CYP27B1: variants seen among roughly 807,000 people sequenced by gnomAD.
The protein encoded by CYP27B1 is cytochrome P450 family 27 subfamily B member 1.
Under a neutral mutation model 54.8 loss-of-function variants are expected in CYP27B1, and 46 were observed. The observed-to-expected ratio is 0.84, with a 90% CI of 0.66 to 1.07. The LOEUF is 1.07. Among genes scored for constraint, CYP27B1 ranks in the 50% least tolerant of loss-of-function variants. The pLI is 0.00. For missense variants in CYP27B1, 674 were observed against 692.2 expected (o/e 0.97, Z 0.30); for synonymous variants, 292 against 297.3 (o/e 0.98, Z 0.18).
chr12:57,765,789 A>G lies in CYP27B1; in HGVS notation c.386+218T>C. ...AATTCCTCCGGTTCCCCCAGTTCCC[A>G]GGATTCGGGCCTCAAAGGATAAGGA... is the stretch of plus-strand genomic sequence containing the variant. On this transcript the variant is annotated intron_variant, in intron 2 of 8. Transcript: ENST00000228606. The surrounding 1 kb of genome is among the most constrained non-coding windows in gnomAD (Gnocchi z 5.8). The G allele has an allele frequency of 1.0e-6, 1 of 958,120 alleles. No homozygotes were observed. The highest frequency in any genetic ancestry group is 1.5e-6 in the Non-Finnish European group (1 of 659,662). 59.4% of individuals were successfully genotyped at this position (958,120 alleles called of 1,614,324 possible).
In CYP27B1 at chr12:57,765,543, G is replaced by C; in HGVS notation, c.387-44C>G. 6.4e-7 allele frequency: 1 copy of C among 1,563,982 alleles called. No individual in the cohort carries two copies. Among genetic ancestry groups the C allele is most frequent in the Non-Finnish European group, 8.7e-7 (1 of 1,149,436 alleles). ...AGTGCGCATCGGGAAGGTGGGGACG[G>C]CTCGACGGGACTGGCTGCAGTGAAG... On this transcript the variant is annotated intron_variant, in intron 2 of 8. Transcript: ENST00000228606. This position sits in a 1 kb window ranked among gnomAD's most constrained non-coding sequence, Gnocchi z 5.8.
chr12:57,765,252 G>C lies in CYP27B1; in HGVS notation c.590-41C>G, dbSNP rs745388058. On this transcript the variant is annotated intron_variant, in intron 3 of 8. Transcript: ENST00000228606. This position sits in a 1 kb window ranked among gnomAD's most constrained non-coding sequence, Gnocchi z 5.8. ...CGCCGTCAGGGTTCCGGGAGGCTCT[G>C]GTAGGGCGCCCCCGACGCCTGCCCA... 6.2e-7 allele frequency: 1 copy of C among 1,611,600 alleles called. No homozygotes were observed. Among genetic ancestry groups the C allele is most frequent in the Non-Finnish European group, 8.5e-7 (1 of 1,179,146 alleles).
rs1005497618 is a variant in CYP27B1, at chr12:57,765,834, T to C, written c.386+173A>G. 2 of 1,299,878 alleles carry C rather than the reference T, an allele frequency of 1.5e-6. No individual in the cohort carries two copies. The highest frequency in any genetic ancestry group is 2.1e-6 in the Non-Finnish European group (2 of 975,224). The allele number at this position is 1,299,878 out of a possible 1,614,324, so 80.5% of individuals were successfully genotyped here. ...TAAGGAGGTAGGCGGGGAGTGAGGT[T>C]GGGGCTCAACCTGAGTGTGGGTGAA... On this transcript the variant is annotated intron_variant, in intron 2 of 8. Coordinates refer to ENST00000228606, the MANE Select transcript of CYP27B1 (RefSeq NM_000785.4). The surrounding 1 kb of genome is among the most constrained non-coding windows in gnomAD (Gnocchi z 5.8).
intron 1 of CYP27B1, 113 bp downstream of exon 1, chr12:57,766,734 G>T: frequency 8.6e-7 from 1 of 1,168,790 alleles, no homozygotes; most frequent in Non-Finnish European, 1.3e-6. Context: ...TTATTTCATG[G>T]GCATCCGTTC....
At chr12:57,766,265 G>GC in intron 1 of CYP27B1, 68 bp from the exon 2 acceptor site, 1 of 1,456,448 alleles carries the variant, frequency 6.9e-7, no homozygotes, top group South Asian at 1.4e-5. Flanking sequence ...CTGTGCCCAC[G>GC]CCAAGGGCGT....
chr12:57,764,085 A>G lies in CYP27B1; in HGVS notation c.1215+13T>C. On this transcript the variant is annotated intron_variant, in intron 7 of 8. Coordinates refer to ENST00000228606, the MANE Select transcript of CYP27B1 (RefSeq NM_000785.4). ...GAATGGCTCAGTAGAAAGGGTGCAT[A>G]GGCTTTACTCACATTTTTGGGGATA... is the stretch of plus-strand genomic sequence containing the variant. 3 of 1,601,244 alleles carry G rather than the reference A, an allele frequency of 1.9e-6. No individual in the cohort carries two copies. Among genetic ancestry groups the G allele is most frequent in the Non-Finnish European group, 2.6e-6 (3 of 1,168,322 alleles).
At chr12:57,763,407 TA>T in intron 8 of CYP27B1, 152 bp from the exon 9 acceptor site, 1 of 854,918 alleles carries the variant, frequency 1.2e-6, no homozygotes, top group East Asian at 2.6e-5. Flanking sequence ...TCTTGGTTAA[TA>T]AGGGTGAGGG....
rs749537609 is a variant in CYP27B1 at position 57,763,195 on chromosome 12, G to A, written c.1474C>T (p.Arg492Trp). Residue 492 changes from arginine (R) to tryptophan (W), a missense_variant, in exon 9 of 9, where the codon CGG becomes TGG. Transcript: ENST00000228606. The stretch of plus-strand genomic sequence containing the variant: ...CTCCTTTCAGGTACCAGGACAGTCC[G>A]GGTCTTGGGTCTAACTGGGGCCGCA... ...PGAAPVRPKT[R>W]TVLVPERSIN... The A allele has an allele frequency of 3.5e-5, 57 of 1,614,052 alleles. No individual in the cohort carries two copies. The highest frequency in any genetic ancestry group is 1.2e-4 in the African/African-American group (9 of 74,934).
Position 57,763,520 on chromosome 12 carries a change from A to G in CYP27B1, c.1413+91T>C, listed in dbSNP as rs8176347. On this transcript the variant is annotated intron_variant, in intron 8 of 8. Transcript: ENST00000228606. Reference sequence around the variant, plus strand: ...GATTCATTCTACCAGGTCTTATATGATTTCCTATGCTTGTCAGGGGAAAGA... The same window carrying G: ...GATTCATTCTACCAGGTCTTATATGGTTTCCTATGCTTGTCAGGGGAAAGA... 1.0e-3 allele frequency: 1,210 copies of G among 1,177,906 alleles called. 11 individuals are homozygous for G. In the African/African-American group the frequency reaches 0.016, roughly 16 times the overall value. 73.0% of individuals were successfully genotyped at this position (1,177,906 alleles called of 1,614,324 possible). A position where few individuals can be genotyped will look rare whatever the true frequency, so the allele number is the denominator to read the frequency against.
intron 8 of CYP27B1, 29 bp from the exon 9 acceptor site, chr12:57,763,284 A>G (rs1955333205): frequency 2.0e-6 from 3 of 1,499,180 alleles, no homozygotes; most frequent in Non-Finnish European, 2.8e-6. Flanking sequence ...GAGCATTACT[A>G]TGAAAGATAT....
chr12:57,762,588 T>G lies in CYP27B1; in HGVS notation c.*554A>C, dbSNP rs967963303. 5.7e-6 allele frequency: 1 copy of G among 176,714 alleles called. No homozygotes were observed. The highest frequency in any genetic ancestry group is 1.2e-5 in the Non-Finnish European group (1 of 81,228). 10.9% of individuals were successfully genotyped at this position (176,714 alleles called of 1,614,324 possible). A position where few individuals can be genotyped will look rare whatever the true frequency, so the allele number is the denominator to read the frequency against. Reference sequence around the variant, plus strand: ...GGTAGACAGAGCCTACTAAGTAAGCTGCTTATCCCTTCTGCCACATGGTTC... The same window carrying G: ...GGTAGACAGAGCCTACTAAGTAAGCGGCTTATCCCTTCTGCCACATGGTTC... On this transcript the variant is annotated 3_prime_UTR_variant, in exon 9 of 9. Coordinates refer to ENST00000228606, the MANE Select transcript of CYP27B1 (RefSeq NM_000785.4).
Position 57,764,899 on chromosome 12 carries a change from GC to G in CYP27B1, c.817del (p.Ala273GlnfsTer5). The G allele has an allele frequency of 1.2e-6, 2 of 1,614,160 alleles. No individual in the cohort carries two copies. The highest frequency in any genetic ancestry group is 1.7e-6 in the Non-Finnish European group (2 of 1,180,044). On this transcript the variant is annotated frameshift_variant, in exon 5 of 9. Transcript: ENST00000228606. LOFTEE classifies it high-confidence loss of function. Reference protein sequence around the residue: ...FAQRHVERREAEAAMRNGGQP... With the variant: ...FAQRHVERREXEAAMRNGGQP... The stretch of plus-strand genomic sequence containing the variant: ...TCCTCCGTTCCTCATGGCTGCCTCT[GC>G]CTCTCGCCGCTCCACGTGCCTCTGA...
At chr12:57,764,045 G>T in intron 7 of CYP27B1, 53 bp downstream of exon 7, 1 of 1,448,036 alleles carries the variant, frequency 6.9e-7, no homozygotes, top group Non-Finnish European at 9.7e-7. Context: ...CAGGGTTGGG[G>T]CCCAAGATAG....
At position 57,762,441 on chromosome 12, in the gene CYP27B1, G is replaced by A. The variant is rs572466704; in HGVS notation, c.*701C>T. 6.5e-6 allele frequency: 1 copy of A among 152,698 alleles called. No individual in the cohort carries two copies. Among genetic ancestry groups the A allele is most frequent in the Non-Finnish European group, 1.5e-5 (1 of 68,294 alleles). The allele number at this position is 152,698 out of a possible 1,614,324, so 9.5% of individuals were successfully genotyped here. A position where few individuals can be genotyped will look rare whatever the true frequency, so the allele number is the denominator to read the frequency against. The stretch of plus-strand genomic sequence containing the variant: ...GACAGGCCCAAAGATGTCTCTGCCT[G>A]AGAACTAAGTGATGGGGCAAACCCA... On this transcript the variant is annotated 3_prime_UTR_variant, in exon 9 of 9. Coordinates refer to ENST00000228606, the MANE Select transcript of CYP27B1 (RefSeq NM_000785.4).
intron 1 of CYP27B1, chr12:57,766,561 C>T: frequency 1.7e-6 from 1 of 579,728 alleles, no homozygotes; most frequent in Non-Finnish European, 3.1e-6. Context: ...GCGGAGGGTA[C>T]TGCCCACTCC....
intron 7 of CYP27B1, 97 bp downstream of exon 7, chr12:57,764,001 G>GTT: frequency 8.8e-7 from 1 of 1,138,368 alleles, no homozygotes; most frequent in Non-Finnish European, 1.3e-6. Flanking sequence ...GTCAAGGGGA[G>GTT]TGTTTGAAGG....
Position 57,765,423 on chromosome 12 carries a change from C to A in CYP27B1, c.463G>T (p.Ala155Ser), listed in dbSNP as rs754435549. ...CAGACTACGTTGTTCAGGGTTCCGGCGTAGCGGGCGGCCGCTTGAGGCCGG... is the reference window on the plus strand; with the variant it reads ...CAGACTACGTTGTTCAGGGTTCCGGAGTAGCGGGCGGCCGCTTGAGGCCGG... ...LLRPQAAARY[A>S]GTLNNVVCDL... The change falls in exon 3 of 9, where the codon GCC becomes TCC. Residue 155 changes from alanine (A) to serine (S), a missense_variant. Transcript: ENST00000228606. This position sits in a 1 kb window ranked among gnomAD's most constrained non-coding sequence, Gnocchi z 5.8. 9 of 1,612,794 alleles carry A rather than the reference C, an allele frequency of 5.6e-6. No individual in the cohort carries two copies. The highest frequency in any genetic ancestry group is 1.7e-4 in the Middle Eastern group (1 of 6,056).
chr12:57,765,827 G>A lies in CYP27B1; in HGVS notation c.386+180C>T. The A allele has an allele frequency of 8.1e-7, 1 of 1,228,076 alleles. No individual in the cohort carries two copies. The highest frequency in any genetic ancestry group is 1.6e-5 in the South Asian group (1 of 63,526). 76.1% of individuals were successfully genotyped at this position (1,228,076 alleles called of 1,614,324 possible). On this transcript the variant is annotated intron_variant, in intron 2 of 8. Transcript: ENST00000228606. The surrounding 1 kb of genome is among the most constrained non-coding windows in gnomAD (Gnocchi z 5.8). Reference sequence around the variant, plus strand: ...CAAAGGATAAGGAGGTAGGCGGGGAGTGAGGTTGGGGCTCAACCTGAGTGT... The same window carrying A: ...CAAAGGATAAGGAGGTAGGCGGGGAATGAGGTTGGGGCTCAACCTGAGTGT...
rs1425729117 is a variant in CYP27B1, at chr12:57,766,908, G to T, written c.134C>A (p.Thr45Lys). 6.2e-7 allele frequency: 1 copy of T among 1,614,166 alleles called. No homozygotes were observed. Among genetic ancestry groups the T allele is most frequent in the South Asian group, 1.1e-5 (1 of 91,086 alleles). Residue 45 changes from threonine (T) to lysine (K), a missense_variant, in exon 1 of 9, where the codon ACG becomes AAG. Physicochemically the swap from Thr to Lys is moderately conservative, Grantham distance 78. Coordinates refer to ENST00000228606, the MANE Select transcript of CYP27B1 (RefSeq NM_000785.4). ...RSLADIPGPS[T>K]PSFLAELFCK... ...GAAAAGTTCGGCCAGAAAGCTGGGC[G>T]TAGAGGGGCCTGGGATGTCTGCCAA...
Sources: allele counts gnomAD v4.1 joint callset, GRCh38; gene constraint gnomAD v4.1.1; non-coding constraint Gnocchi (gnomAD v3.1); transcripts MANE v1.5; gene names NCBI Gene and HGNC (gene_info 2026-07-23, HGNC 2026-07-21).